The following TMEFF1 variants were observed in gnomAD, a reference collection of about 807,000 sequenced individuals.
TMEFF1 encodes the protein transmembrane protein with EGF like and two follistatin like domains 1.
In TMEFF1, 20 loss-of-function variants were observed where a neutral mutation model predicts 47.5. The observed-to-expected ratio is 0.42, with a 90% CI of 0.30 to 0.61. The LOEUF is 0.61. Among genes scored for constraint, TMEFF1 ranks in the 20% least tolerant of loss-of-function variants. TMEFF1 has a pLI of 0.19. For synonymous variants in TMEFF1, 162 were observed against 166.3 expected (o/e 0.97, Z 0.20); for missense variants, 411 against 471.1 (o/e 0.87, Z 1.18).
chr9:100,533,721 T>G (rs1838447105), intron 5 of TMEFF1, among the ~76,000 whole-genome samples: 1 of 152,148 alleles, frequency 6.6e-6, no homozygotes, highest in Non-Finnish European at 1.5e-5. Flanking sequence ...TCTTTTTATT[T>G]TATTTATTTA....
At chr9:100,510,742 TG>T (rs1285558482) in intron 3 of TMEFF1, among the ~76,000 whole-genome samples, 2 of 152,208 alleles carry the variant, frequency 1.3e-5, no homozygotes, top group Non-Finnish European at 2.9e-5. Context: ...CTCAAAGTGC[TG>T]GGATTACAGG....
At chr9:100,553,104 T>TA (rs1400457037) in intron 7 of TMEFF1, among the ~76,000 whole-genome samples, 1 of 152,042 alleles carries the variant, frequency 6.6e-6, no homozygotes, top group Admixed American at 6.6e-5. Context: ...GCCAATAGCT[T>TA]AAAAAACTAC....
At chr9:100,494,661 A>G (rs1290654541) in intron 1 of TMEFF1, among the ~76,000 whole-genome samples, 1 of 152,206 alleles carries the variant, frequency 6.6e-6, no homozygotes, top group Non-Finnish European at 1.5e-5. Flanking sequence ...ATATGAACAC[A>G]GAGCGAGGGA....
At chr9:100,521,457 G>T (rs576191325) in intron 5 of TMEFF1, among the ~76,000 whole-genome samples, 1 of 152,302 alleles carries the variant, frequency 6.6e-6, no homozygotes, top group African/African-American at 2.4e-5. Context: ...CTGTGAAACA[G>T]TGCATAGACT....
chr9:100,572,494 AAT>A, intron 8 of TMEFF1, 22 bp from the exon 9 acceptor site: 1 of 1,545,000 alleles, frequency 6.5e-7, no homozygotes, highest in Non-Finnish European at 8.7e-7. Context: ...TTTTCATAGG[AAT>A]ATATATATTT....
In TMEFF1 at chr9:100,509,105, C is replaced by A; in HGVS notation, c.407C>A (p.Thr136Lys). Residue 136 changes from threonine to lysine, a missense_variant, in exon 3 of 10, where the codon ACA becomes AAA. Coordinates refer to ENST00000374879, the MANE Select transcript of TMEFF1 (RefSeq NM_003692.5). ...RAACKHQKEI[T>K]VIARGPCYSD... is the part of the protein sequence containing the mutation. ...GCTTGTAAGCACCAGAAAGAGATAA[C>A]AGTAATAGCAAGAGGACCATGCTAC... The A allele has an allele frequency of 6.3e-7, 1 of 1,587,380 alleles. No individual in the cohort carries two copies. Among genetic ancestry groups the A allele is most frequent in the East Asian group, 2.3e-5 (1 of 43,070 alleles).
At chr9:100,556,241 G>A (rs998584585) in intron 7 of TMEFF1, among the ~76,000 whole-genome samples, 27 of 152,086 alleles carry the variant, frequency 1.8e-4, no homozygotes, top group African/African-American at 5.8e-4. Context: ...CGTAATAGAT[G>A]CTTAAAAAAT....
At chr9:100,535,014 A>C (rs2118466959) in intron 5 of TMEFF1, among the ~76,000 whole-genome samples, 1 of 152,286 alleles carries the variant, frequency 6.6e-6, no homozygotes, top group South Asian at 2.1e-4. Context: ...ACCATACCTA[A>C]CCTTTTAGAA....
chr9:100,526,324 C>A (rs1207285703), intron 5 of TMEFF1, among the ~76,000 whole-genome samples: 1 of 143,136 alleles, frequency 7.0e-6, no homozygotes, highest in African/African-American at 2.6e-5. Context: ...TACTGACTTC[C>A]ATTTTGAAAA....
chr9:100,576,531 C>A lies in TMEFF1; in HGVS notation c.1074C>A (p.Asn358Lys), dbSNP rs754680071. The A allele has an allele frequency of 6.8e-6, 11 of 1,612,442 alleles. No individual in the cohort carries two copies. In the Admixed American group the frequency reaches 1.3e-4, roughly 20 times the overall value. ...AATGCAACAGAAAATGCCCCAAAAA[C>A]AATAGAGGACGTCGACAGAAGCAAA... ...VMCITRKCPK[N>K]NRGRRQKQNL... The change falls in exon 10 of 10, where the codon AAC becomes AAA. Residue 358 changes from asparagine to lysine, a missense_variant. Asn to Lys is a moderately conservative substitution (Grantham distance 94). Transcript: ENST00000374879.
intron 5 of TMEFF1, among the ~76,000 whole-genome samples, chr9:100,545,886 A>G (rs1366852640): frequency 6.6e-6 from 1 of 152,196 alleles, no homozygotes; most frequent in Non-Finnish European, 1.5e-5. Flanking sequence ...CTAAAACATA[A>G]CAAGAGTCAC....
chr9:100,551,464 G>A (rs1838825697), intron 7 of TMEFF1, among the ~76,000 whole-genome samples: 2 of 152,142 alleles, frequency 1.3e-5, no homozygotes, highest in South Asian at 2.1e-4. Flanking sequence ...GACAAAATAG[G>A]TCAGCTTCAG....
At chr9:100,527,717 C>A (rs1838290880) in intron 5 of TMEFF1, among the ~76,000 whole-genome samples, 1 of 152,216 alleles carries the variant, frequency 6.6e-6, no homozygotes, top group African/African-American at 2.4e-5. Context: ...AGCCGGGAAG[C>A]TCGAACTGGG....
chr9:100,547,995 C>G (rs1587850077), intron 6 of TMEFF1, 103 bp downstream of exon 6: 6 of 1,254,870 alleles, frequency 4.8e-6, no homozygotes, highest in East Asian at 3.0e-5. Flanking sequence ...ATGAGAAATC[C>G]TCGAAGCTTT....
At chr9:100,546,437 C>A (rs898423545) in intron 5 of TMEFF1, among the ~76,000 whole-genome samples, 11 of 151,608 alleles carry the variant, frequency 7.3e-5, no homozygotes, top group Non-Finnish European at 1.5e-5. Context: ...AATCCCCCCC[C>A]CACCAGGTTC....
At chr9:100,480,365 A>G (rs1350801745) in intron 1 of TMEFF1, among the ~76,000 whole-genome samples, 3 of 152,216 alleles carry the variant, frequency 2.0e-5, no homozygotes, top group Non-Finnish European at 4.4e-5. Flanking sequence ...AAACTTATTT[A>G]TACCAGTGGT....
Position 100,473,207 on chromosome 9 carries a change from A to C in TMEFF1, c.-338A>C, listed in dbSNP as rs2118204235. The C allele has an allele frequency of 6.7e-6, 1 of 150,290 alleles. No homozygotes were observed. Among genetic ancestry groups the C allele is most frequent in the South Asian group, 1.8e-4 (1 of 5,468 alleles). 9.3% of individuals were successfully genotyped at this position (150,290 alleles called of 1,614,324 possible). On this transcript the variant is annotated 5_prime_UTR_variant, in exon 1 of 10. Coordinates refer to ENST00000374879, the MANE Select transcript of TMEFF1 (RefSeq NM_003692.5). This position sits in a 1 kb window ranked among gnomAD's most constrained non-coding sequence, Gnocchi z 5.4. ...CAAAGGGAAGGCGAGGAGGCGAGCA[A>C]GAGGCTGGGCCTGCCTCCGGCCCGC... is the stretch of plus-strand genomic sequence containing the variant.
intron 1 of TMEFF1, among the ~76,000 whole-genome samples, chr9:100,474,186 T>A (rs1396988368): frequency 1.4e-5 from 1 of 73,938 alleles, no homozygotes. Flanking sequence ...CTGGGCGGGG[T>A]GAGGGCAGGG....
At chr9:100,532,801 C>T (rs369808043) in intron 5 of TMEFF1, among the ~76,000 whole-genome samples, 123 of 152,060 alleles carry the variant, frequency 8.1e-4, no homozygotes, top group Non-Finnish European at 1.2e-3. Flanking sequence ...ATGTTTATTG[C>T]GTCATTATTC....
Sources: allele counts gnomAD v4.1 joint callset (sites outside exome capture counted in the v4.1 genomes callset), GRCh38; gene constraint gnomAD v4.1.1; non-coding constraint Gnocchi (gnomAD v3.1); transcripts MANE v1.5; gene names NCBI Gene and HGNC (gene_info 2026-07-23, HGNC 2026-07-21).